The following USP50 variants were observed in gnomAD, a reference collection of about 807,000 sequenced individuals.
USP50 encodes ubiquitin specific peptidase 50, also known as ubiquitin carboxyl-terminal hydrolase 50.
In USP50, 37 loss-of-function variants were observed where a neutral mutation model predicts 39.2. The ratio of observed to expected loss-of-function variants is 0.94; its 90% CI spans 0.73 to 1.24. The LOEUF (loss-of-function observed/expected upper bound fraction) is 1.24, where lower values mean the gene tolerates loss of function less well. Ranked by LOEUF, USP50 falls within the 50% of genes most tolerant of loss-of-function variation. USP50 has a pLI of 0.00. For missense variants in USP50, 374 were observed against 398.2 expected (o/e 0.94, Z 0.52); for synonymous variants, 139 against 144.5 (o/e 0.96, Z 0.27).
rs368281573 is a variant in USP50 at position 50,534,576 on chromosome 15, G to A, written c.803+4133C>T. Reference sequence around the variant, plus strand: ...ATTAAAACACAGATTGTTTTAATCCGTGAATCAAAAACAAAATTCAACTGT... The same window carrying A: ...ATTAAAACACAGATTGTTTTAATCCATGAATCAAAAACAAAATTCAACTGT... On this transcript the variant is annotated intron_variant, in intron 5 of 6. Coordinates refer to ENST00000532404, the MANE Select transcript of USP50 (RefSeq NM_203494.5). 1.7e-4 allele frequency among the ~76,000 whole-genome samples: 26 copies of A among 152,162 alleles called. 1 individual carries two copies. The highest frequency in any genetic ancestry group is 8.3e-4 in the South Asian group (4 of 4,824).
chr15:50,539,413 C>G (rs1444122649), intron 4 of USP50, among the ~76,000 whole-genome samples: 1 of 127,004 alleles, frequency 7.9e-6, no homozygotes, highest in Non-Finnish European at 1.6e-5. Context: ...CAGAATAATA[C>G]TGATTTTGCA....
At chr15:50,525,608 A>ATATG in intron 6 of USP50, among the ~76,000 whole-genome samples, 1 of 129,578 alleles carries the variant, frequency 7.7e-6, no homozygotes, top group Non-Finnish European at 1.6e-5. Context: ...ATGTATATGT[A>ATATG]TATATGTATA....
At chr15:50,540,206 C>A (rs1164519442) in intron 4 of USP50, among the ~76,000 whole-genome samples, 3 of 152,172 alleles carry the variant, frequency 2.0e-5, no homozygotes, top group African/African-American at 7.2e-5. Flanking sequence ...CTACTGCCAC[C>A]CACCCCATGC....
At chr15:50,530,088 C>T (rs2052928669) in intron 5 of USP50, among the ~76,000 whole-genome samples, 159 bp from the exon 6 acceptor site, 1 of 152,184 alleles carries the variant, frequency 6.6e-6, no homozygotes, top group Admixed American at 6.6e-5. Context: ...GGACATATCC[C>T]TTGAGCCTAG....
chr15:50,512,050 A>G (rs1375115908), intron 6 of USP50: 1 of 152,222 alleles, frequency 6.6e-6, no homozygotes, highest in East Asian at 1.9e-4. Context: ...CATCTATAGA[A>G]ATATATAAAG....
Position 50,541,091 on chromosome 15 carries a change from G to A in USP50, c.618C>T (p.Val206=), listed in dbSNP as rs370529642. 6.2e-7 allele frequency: 1 copy of A among 1,613,834 alleles called. No individual in the cohort carries two copies. The highest frequency in any genetic ancestry group is 1.3e-5 in the African/African-American group (1 of 74,916). ...KCTYKNEVFT[V]FSLPIPSKYE... is the part of the protein sequence containing the mutation. ...ATTTGGATGGAATGGGGAGTGAGAA[G>A]ACAGTGAAGACTTCGTTCTTGTAGG... Residue 206 remains valine, a synonymous_variant, in exon 4 of 7, where the codon GTC becomes GTT. Coordinates refer to ENST00000532404, the MANE Select transcript of USP50 (RefSeq NM_203494.5).
chr15:50,525,530 A>ATGTATATGTATATATGTATATATGTG (rs2052882351), intron 6 of USP50, among the ~76,000 whole-genome samples: 1 of 92,142 alleles, frequency 1.1e-5, no homozygotes, highest in East Asian at 2.9e-4. Flanking sequence ...ATATATGTAT[A>ATGTATATGTATATATGTATATATGTG]TGTATATGTA....
chr15:50,494,730 C>T (rs2052308860), intron 1 of USP50, among the ~76,000 whole-genome samples: 1 of 152,092 alleles, frequency 6.6e-6, no homozygotes, highest in South Asian at 2.1e-4. Flanking sequence ...ATAAGAATTA[C>T]TTGGCTGGGC....
At position 50,544,768 on chromosome 15, in the gene USP50, CTG is replaced by C. The variant is rs750912131; in HGVS notation, c.65_66del (p.Thr22ArgfsTer4). On this transcript the variant is annotated frameshift_variant, in exon 2 of 7. Transcript: ENST00000532404. LOFTEE classifies it high-confidence loss of function. ...TTAACTGGAAGGGTATCATAGTAAT[CTG>C]TGCACTCTGCACTGTGTTGGTGCCA... ...FDIYHVLAEC[T>X]DYYDTLPVKE... 1.2e-6 allele frequency: 2 copies of C among 1,613,874 alleles called. No individual in the cohort carries two copies. The highest frequency in any genetic ancestry group is 3.3e-5 in the Admixed American group (2 of 59,994).
At chr15:50,515,610 G>A (rs999303939) in intron 6 of USP50, among the ~76,000 whole-genome samples, 2 of 150,338 alleles carry the variant, frequency 1.3e-5, no homozygotes, top group Non-Finnish European at 3.0e-5. Flanking sequence ...AAAATTATAG[G>A]TTACTTTCTC....
At chr15:50,546,372 G>T (rs569759629) in intron 1 of USP50, 101 bp downstream of exon 1, 1 of 1,300,234 alleles carries the variant, frequency 7.7e-7, no homozygotes, top group South Asian at 1.2e-5. Flanking sequence ...GGTCACACCT[G>T]GGAGAACCCT....
chr15:50,496,991 A>G, downstream of USP50: 1 of 1,440,452 alleles, frequency 6.9e-7, no homozygotes, highest in South Asian at 1.4e-5. Flanking sequence ...TTGCTGTTGA[A>G]TCACTGGTGC....
chr15:50,497,248 G>A (rs765278249), downstream of USP50: 10 of 1,591,920 alleles, frequency 6.3e-6, no homozygotes, highest in African/African-American at 1.2e-4. Flanking sequence ...GGGAAAGTTT[G>A]TCCTCCTGTT....
intron 1 of USP50, among the ~76,000 whole-genome samples, chr15:50,544,999 A>G (rs2053060728): frequency 6.6e-6 from 1 of 152,122 alleles, no homozygotes; most frequent in Admixed American, 6.6e-5. Context: ...GCCCTTTGGG[A>G]GGCCGAGGTG....
chr15:50,539,896 G>A (rs746664839), intron 4 of USP50, among the ~76,000 whole-genome samples: 2 of 152,180 alleles, frequency 1.3e-5, no homozygotes, highest in Non-Finnish European at 2.9e-5. Context: ...CAGCTCCTTG[G>A]TTCTGCAAAC....
chr15:50,499,074 G>A (rs2052521532), downstream of USP50: 1 of 1,607,796 alleles, frequency 6.2e-7, no homozygotes, highest in African/African-American at 1.3e-5. Flanking sequence ...ACGAGTAACT[G>A]ATGTAGCCAC....
intron 5 of USP50, among the ~76,000 whole-genome samples, chr15:50,537,102 G>A (rs2052985543): frequency 6.6e-6 from 1 of 151,912 alleles, no homozygotes; most frequent in South Asian, 2.1e-4. Flanking sequence ...AAAAATAATG[G>A]TATAGACAAG....
intron 1 of USP50, chr15:50,494,402 A>T (rs944799434): frequency 1.6e-5 from 12 of 771,880 alleles, no homozygotes; most frequent in Non-Finnish European, 1.8e-5. Flanking sequence ...TCAAATAGTG[A>T]CTGTATAAGA....
At chr15:50,521,941 G>T (rs141297907) in intron 6 of USP50, among the ~76,000 whole-genome samples, 1 of 152,286 alleles carries the variant, frequency 6.6e-6, no homozygotes, top group African/African-American at 2.4e-5. Flanking sequence ...TCCAGCCTGG[G>T]CAATAGAACG....
Sources: gnomAD v4.1 joint callset for allele counts (sites outside exome capture counted in the v4.1 genomes callset) on GRCh38, gnomAD v4.1.1 for gene constraint, MANE v1.5 for transcripts, NCBI Gene and HGNC (gene_info 2026-07-23, HGNC 2026-07-21) for gene names.